Variants in ARL17B observed in about 807,000 individuals in gnomAD.
ARL17B encodes ADP-ribosylation factor-like protein 17.
At position 46,280,569 on chromosome 17, in the gene ARL17B, C is replaced by CTTTTTT. The variant is rs56981193; in HGVS notation, c.*22-5157_*22-5152dup. On this transcript the variant is annotated intron_variant, in intron 4 of 4. Coordinates refer to the ARL17B transcript ENST00000570618. ...TTGTTTCCTTATTTTTGATAGCACA[C>CTTTTTT]TTTTTTTTTTTTTTTTTTTTCCTGA... is the stretch of plus-strand genomic sequence containing the variant. Among the ~76,000 whole-genome samples, 626 of 111,870 alleles carry CTTTTTT rather than the reference C, an allele frequency of 5.6e-3. 20 individuals carry two copies. The highest frequency in any genetic ancestry group is 8.5e-3 in the Non-Finnish European group (497 of 58,656). 73.4% of individuals were successfully genotyped at this position (111,870 alleles called of 152,430 possible). A position where few individuals can be genotyped will look rare whatever the true frequency, so the allele number is the denominator to read the frequency against.
At chr17:46,281,261 T>C (rs1301765498) in intron 4 of ARL17B, among the ~76,000 whole-genome samples, 1 of 152,080 alleles carries the variant, frequency 6.6e-6, no homozygotes, top group Non-Finnish European at 1.5e-5. Flanking sequence ...GGCTTTAATT[T>C]ATTCACTGCT....
Position 46,300,068 on chromosome 17 carries a change from T to C in ARL17B, c.260-403A>G, listed in dbSNP as rs2050292584. On this transcript the variant is annotated intron_variant, in intron 3 of 4. Coordinates refer to the ARL17B transcript ENST00000434041. ...AAAATAAGAGGCAATTTAAATTTAT[T>C]TTTTATCATACAAATAGTACATGGT... is the stretch of plus-strand genomic sequence containing the variant. Among the ~76,000 whole-genome samples, 2 of 59,592 alleles carry C rather than the reference T, an allele frequency of 3.4e-5. 1 individual carries two copies. Among genetic ancestry groups the C allele is most frequent in the Admixed American group, 3.8e-4 (2 of 5,304 alleles). The allele number at this position is 59,592 out of a possible 152,430, so 39.1% of individuals were successfully genotyped here. A position where few individuals can be genotyped will look rare whatever the true frequency, so the allele number is the denominator to read the frequency against.
At chr17:46,284,824 T>C (rs1400877811) in intron 4 of ARL17B, among the ~76,000 whole-genome samples, 1 of 152,260 alleles carries the variant, frequency 6.6e-6, no homozygotes, top group Non-Finnish European at 1.5e-5. Flanking sequence ...CTTGTGATTA[T>C]GATAAAAATA....
At chr17:46,321,357 G>GGAA (rs1555618740) in intron 3 of ARL17B, among the ~76,000 whole-genome samples, 1 of 31,356 alleles carries the variant, frequency 3.2e-5, no homozygotes, top group Non-Finnish European at 4.3e-5. Context: ...CTCCGTCTCA[G>GGAA]AAAAAAAAAA....
At chr17:46,298,652 A>T, downstream of ARL17B, among the ~76,000 whole-genome samples, 1 of 81,478 alleles carries the variant, frequency 1.2e-5, no homozygotes, top group Non-Finnish European at 2.7e-5. Context: ...TGAACCTGGG[A>T]GGCAGAGCTT....
At chr17:46,278,399 T>TA (rs1349918664) in intron 4 of ARL17B, among the ~76,000 whole-genome samples, 4 of 138,610 alleles carry the variant, frequency 2.9e-5, no homozygotes, top group South Asian at 2.1e-4. Context: ...TTGTTTTATT[T>TA]TGTTTTTTTT....
chr17:46,290,722 T>A (rs62073177), intron 4 of ARL17B, among the ~76,000 whole-genome samples: 7,324 of 132,764 alleles, frequency 0.055, no homozygotes, highest in Non-Finnish European at 0.089. Flanking sequence ...GCTGGGATTA[T>A]AGGCATGAGC....
chr17:46,332,314 T>C (rs2051993861), downstream of ARL17B, among the ~76,000 whole-genome samples: 1 of 68,860 alleles, frequency 1.5e-5, no homozygotes, highest in African/African-American at 7.5e-5. Flanking sequence ...ATTAGCTGGG[T>C]TGATGACACG....
chr17:46,279,497 TTTC>T (rs1159289311), intron 4 of ARL17B, among the ~76,000 whole-genome samples: 10 of 125,514 alleles, frequency 8.0e-5, no homozygotes, highest in African/African-American at 1.9e-4. Context: ...TTTTTCTTTC[TTTC>T]TTTTTTTTTT....
At chr17:46,275,741 G>T (rs1489466015) in intron 4 of ARL17B, among the ~76,000 whole-genome samples, 3 of 152,210 alleles carry the variant, frequency 2.0e-5, no homozygotes, top group South Asian at 2.1e-4. Flanking sequence ...GTGGTGAAAG[G>T]TGCGTGTGTG....
At position 46,308,942 on chromosome 17, in the gene ARL17B, CTAGA is replaced by C. The variant is rs1276593789; in HGVS notation, c.260-9281_260-9278del. 7.4e-5 allele frequency among the ~76,000 whole-genome samples: 5 copies of C among 67,776 alleles called. 2 individuals are homozygous for C. Among genetic ancestry groups the C allele is most frequent in the African/African-American group, 1.9e-4 (5 of 26,640 alleles). 44.5% of individuals were successfully genotyped at this position (67,776 alleles called of 152,430 possible). On this transcript the variant is annotated intron_variant, in intron 3 of 4. Coordinates refer to the ARL17B transcript ENST00000434041. ...AGTCATAATTTTTTTAATGTTTTTA[CTAGA>C]TAAGGCTCAGGCCCCACAAAATCCT...
intron 4 of ARL17B, among the ~76,000 whole-genome samples, chr17:46,288,481 G>C (rs1334752730): frequency 1.3e-5 from 2 of 151,712 alleles, no homozygotes; most frequent in African/African-American, 2.4e-5. Context: ...GCTAATTTTT[G>C]CATTTTTGGT....
chr17:46,291,969 C>CA lies in ARL17B; in HGVS notation c.*21+7556dup, dbSNP rs59554870. 8.7e-3 allele frequency among the ~76,000 whole-genome samples: 505 copies of CA among 58,080 alleles called. 25 individuals are homozygous for CA. The highest frequency in any genetic ancestry group is 0.035 in the African/African-American group (491 of 13,966). 38.1% of individuals were successfully genotyped at this position (58,080 alleles called of 152,430 possible). The stretch of plus-strand genomic sequence containing the variant: ...GAATAAGGCCCTGCTTCTCAAAAAG[C>CA]AAAAAAAAAAAAAAAAAAGCCAATA... On this transcript the variant is annotated intron_variant, in intron 4 of 4. Coordinates refer to the ARL17B transcript ENST00000570618.
At chr17:46,288,531 C>T (rs2696492) in intron 4 of ARL17B, among the ~76,000 whole-genome samples, 19,785 of 151,554 alleles carry the variant, frequency 0.13, 5 homozygotes, top group Middle Eastern at 0.2. Context: ...CTCCTGACTT[C>T]AGGCGATCCA....
intron 4 of ARL17B, among the ~76,000 whole-genome samples, chr17:46,291,020 C>G (rs1290492642): frequency 1.3e-5 from 2 of 152,138 alleles, no homozygotes; most frequent in African/African-American, 4.8e-5. Flanking sequence ...CCTGAATGGC[C>G]CTGGTTTAAT....
At chr17:46,308,076 T>C (rs1320419234) in intron 3 of ARL17B, among the ~76,000 whole-genome samples, 1 of 70,700 alleles carries the variant, frequency 1.4e-5, no homozygotes, top group East Asian at 2.6e-4. Context: ...ACTACAATTA[T>C]GTAGGCAACA....
At chr17:46,323,532 G>A (rs540632980) in intron 3 of ARL17B, among the ~76,000 whole-genome samples, 2 of 90,984 alleles carry the variant, frequency 2.2e-5, no homozygotes, top group Admixed American at 2.2e-4. Flanking sequence ...GAGTAGCTGG[G>A]ATTACAGGCG....
intron 4 of ARL17B, among the ~76,000 whole-genome samples, chr17:46,290,135 A>C (rs1247321230): frequency 6.6e-6 from 1 of 152,208 alleles, no homozygotes; most frequent in Non-Finnish European, 1.5e-5. Flanking sequence ...AAACAAAACA[A>C]AACTTTTTTT....
At chr17:46,331,324 C>T (rs1429656191), downstream of ARL17B, 1 of 1,308,128 alleles carries the variant, frequency 7.6e-7, no homozygotes, top group African/African-American at 1.7e-5. Flanking sequence ...CAGCGAAGAG[C>T]CTCATAAATT....
Sources: allele counts gnomAD v4.1 joint callset (sites outside exome capture counted in the v4.1 genomes callset), GRCh38; gene constraint gnomAD v4.1.1; transcripts MANE v1.5; gene names NCBI Gene and HGNC (gene_info 2026-07-23, HGNC 2026-07-21).